ZGRF1: variants seen among roughly 807,000 people sequenced by gnomAD.
ZGRF1 encodes the protein 5'-3' DNA helicase ZGRF1.
Under a neutral mutation model 203.5 loss-of-function variants are expected in ZGRF1, and 196 were observed. The observed-to-expected ratio is 0.96, with a 90% CI of 0.86 to 1.08. ZGRF1 has a LOEUF of 1.08. Ranked by LOEUF, ZGRF1 falls within the 50% of genes least tolerant of loss-of-function variation. The pLI is 0.00. For missense variants in ZGRF1, 2,326 were observed against 2,416.3 expected, an observed-to-expected ratio of 0.96 and a Z score of 0.78; for synonymous variants, 809 against 841.3, an observed-to-expected ratio of 0.96 and a Z score of 0.66.
intron 3 of ZGRF1, among the ~76,000 whole-genome samples, chr4:112,630,422 G>A (rs1040901496): frequency 2.6e-5 from 4 of 152,090 alleles, no homozygotes; most frequent in Admixed American, 6.5e-5. Flanking sequence ...GGAGGCTGAG[G>A]CAGGAGAATC....
At position 112,546,072 on chromosome 4, in the gene ZGRF1, G is replaced by GTAATAATAATAATAATAATAATAATAA. The variant is rs142640030; in HGVS notation, c.5598+1212_5598+1213insTTATTATTATTATTATTATTATTATTA. Among the ~76,000 whole-genome samples, 318 of 147,268 alleles carry GTAATAATAATAATAATAATAATAATAA rather than the reference G, an allele frequency of 2.2e-3. 1 individual carries two copies. Among genetic ancestry groups the GTAATAATAATAATAATAATAATAATAA allele is most frequent in the Middle Eastern group, 7.1e-3 (2 of 280 alleles). On this transcript the variant is annotated intron_variant, in intron 24 of 27. Coordinates refer to ENST00000505019, the MANE Select transcript of ZGRF1 (RefSeq NM_018392.5). ...TACAACATTATGAATGTACTTTAAA[G>GTAATAATAATAATAATAATAATAATAA]TAATAATAATAATAATAATAATGTA...
rs532338069 is a variant in ZGRF1 at position 112,604,204 on chromosome 4, ACATAGAGAGATTC to A, written c.2803-520_2803-508del. Among the ~76,000 whole-genome samples, 529 of 149,748 alleles carry A rather than the reference ACATAGAGAGATTC, an allele frequency of 3.5e-3. 2 individuals carry two copies. Among genetic ancestry groups the A allele is most frequent in the Non-Finnish European group, 5.9e-3 (401 of 67,502 alleles). The stretch of plus-strand genomic sequence containing the variant: ...ACGCCACTGCACTCCAGCCTGGGTG[ACATAGAGAGATTC>A]CATCTCAAAAAAAAAAAAGTATGAT... On this transcript the variant is annotated intron_variant, in intron 9 of 27. Coordinates refer to ENST00000505019, the MANE Select transcript of ZGRF1 (RefSeq NM_018392.5).
chr4:112,611,959 T>C (rs1257312611), intron 7 of ZGRF1, among the ~76,000 whole-genome samples: 1 of 151,802 alleles, frequency 6.6e-6, no homozygotes, highest in African/African-American at 2.4e-5. Context: ...CATTAGTAAC[T>C]GTGGGGTTTT....
chr4:112,612,509 A>G lies in ZGRF1; in HGVS notation c.2667+15T>C, dbSNP rs564224702. The G allele has an allele frequency of 5.2e-6, 8 of 1,539,130 alleles. No individual in the cohort carries two copies. Among genetic ancestry groups the G allele is most frequent in the Admixed American group, 3.7e-5 (2 of 54,688 alleles). ...CAAAATAAAAAAAACATACTCTTAG[A>G]AAAAAAACCTGTACCTGTTGAGAAT... On this transcript the variant is annotated intron_variant, in intron 7 of 27. Transcript: ENST00000505019.
intron 4 of ZGRF1, 92 bp from the exon 5 acceptor site, chr4:112,620,282 T>A: frequency 1.2e-6 from 1 of 840,402 alleles, no homozygotes; most frequent in Non-Finnish European, 1.8e-6. Flanking sequence ...ACAATGGGTG[T>A]TCAATAAATA....
intron 6 of ZGRF1, among the ~76,000 whole-genome samples, chr4:112,613,565 G>C (rs998228419): frequency 1.3e-5 from 2 of 152,148 alleles, no homozygotes; most frequent in Non-Finnish European, 2.9e-5. Context: ...ATATGATACA[G>C]AACGATTTTT....
intron 1 of ZGRF1, among the ~76,000 whole-genome samples, chr4:112,635,656 T>C (rs1560900793): frequency 6.7e-6 from 1 of 149,654 alleles, no homozygotes; most frequent in African/African-American, 2.4e-5. Context: ...AATATACAAT[T>C]ATATGATTAT....
intron 16 of ZGRF1, among the ~76,000 whole-genome samples, chr4:112,573,989 A>G (rs1411413647): frequency 6.6e-6 from 1 of 152,238 alleles, no homozygotes; most frequent in African/African-American, 2.4e-5. Flanking sequence ...ACTCATTTGA[A>G]TGGGTTGATC....
chr4:112,585,951 A>G (rs1275827834), intron 13 of ZGRF1, among the ~76,000 whole-genome samples: 1 of 152,076 alleles, frequency 6.6e-6, no homozygotes, highest in Non-Finnish European at 1.5e-5. Context: ...TCAAAAGATA[A>G]TACTGGCCAA....
chr4:112,588,691 T>C (rs974576137), intron 11 of ZGRF1, among the ~76,000 whole-genome samples: 2 of 152,196 alleles, frequency 1.3e-5, no homozygotes, highest in Non-Finnish European at 2.9e-5. Context: ...ATAGTTTTTA[T>C]CTGACAATAC....
chr4:112,614,233 C>G (rs1236857719), intron 6 of ZGRF1, among the ~76,000 whole-genome samples: 1 of 152,208 alleles, frequency 6.6e-6, no homozygotes, highest in African/African-American at 2.4e-5. Context: ...AAGCAACCAA[C>G]TTAATCCTTT....
Position 112,583,968 on chromosome 4 carries a change from T to C in ZGRF1, c.4298+10A>G. On this transcript the variant is annotated intron_variant, in intron 15 of 27. Transcript: ENST00000505019. ...AATCACAGGCAATTATTTGGTACTATAAAACATACCTCACCAAAAGCTGGC... is the reference window on the plus strand; with the variant it reads ...AATCACAGGCAATTATTTGGTACTACAAAACATACCTCACCAAAAGCTGGC... The C allele has an allele frequency of 2.8e-5, 44 of 1,576,618 alleles. No homozygotes were observed. The highest frequency in any genetic ancestry group is 3.8e-5 in the Non-Finnish European group (44 of 1,159,062).
In ZGRF1 at chr4:112,603,662, T is replaced by A; in HGVS notation, c.2838A>T (p.Ser946=). 1 of 1,613,886 alleles carries A rather than the reference T, an allele frequency of 6.2e-7. No individual in the cohort carries two copies. The highest frequency in any genetic ancestry group is 8.5e-7 in the Non-Finnish European group (1 of 1,179,904). ...VEFQGHQVKG[S]ATSGVMVRGH... The stretch of plus-strand genomic sequence containing the variant: ...CTCTGACCATTACACCACTAGTAGC[T>A]GATCCTTTTACTTGATGTCCTTGAA... Residue 946 remains serine (S), a synonymous_variant, in exon 10 of 28, where the codon TCA becomes TCT. Transcript: ENST00000505019.
intron 22 of ZGRF1, among the ~76,000 whole-genome samples, chr4:112,548,798 G>C (rs1227316746): frequency 6.6e-6 from 1 of 151,698 alleles, no homozygotes; most frequent in Non-Finnish European, 1.5e-5. Context: ...TAACCTTCAA[G>C]CACATTAGTT....
At position 112,584,162 on chromosome 4, in the gene ZGRF1, A is replaced by T. The variant is rs572347444; in HGVS notation, c.4114T>A (p.Tyr1372Asn). The change falls in exon 15 of 28, where the codon TAT (tyrosine) becomes AAT (asparagine). Residue 1372 changes from tyrosine (Y) to asparagine (N), a missense_variant. Tyr to Asn is a moderately radical substitution (Grantham distance 143). Transcript: ENST00000505019. ...TCAGCTTTGGGTCCATCACATGTATAAAAGAGACGACCCTAAGGGGAAAGA... is the reference window on the plus strand; with the variant it reads ...TCAGCTTTGGGTCCATCACATGTATTAAAGAGACGACCCTAAGGGGAAAGA... ...KEGPNKGRLF[Y>N]TCDGPKADRC... The T allele has an allele frequency of 2.8e-5, 45 of 1,590,712 alleles. No homozygotes were observed. In the African/African-American group the frequency reaches 6.0e-4, roughly 21 times the overall value.
At chr4:112,628,906 CTGAA>C (rs1353277105) in intron 3 of ZGRF1, 9 of 397,632 alleles carry the variant, frequency 2.3e-5, no homozygotes, top group African/African-American at 1.3e-4. Context: ...GCATCAGACA[CTGAA>C]TGAATTAGTT....
rs529668019 is a variant in ZGRF1 at position 112,631,736 on chromosome 4, TTCTA to T, written c.102+190_102+193del. On this transcript the variant is annotated intron_variant, in intron 3 of 27. Transcript: ENST00000505019. ...GCTACTGGATAACAGATCTTATTCG[TTCTA>T]TCTATTAATGAACTATTTTTATAAC... Among the ~76,000 whole-genome samples, 772 of 152,320 alleles carry T rather than the reference TTCTA, an allele frequency of 5.1e-3. 1 individual carries two copies. The highest frequency in any genetic ancestry group is 8.2e-3 in the Non-Finnish European group (555 of 68,022).
intron 7 of ZGRF1, among the ~76,000 whole-genome samples, chr4:112,611,203 G>A (rs1176898525): frequency 6.6e-6 from 1 of 151,994 alleles, no homozygotes; most frequent in African/African-American, 2.4e-5. Context: ...AGGAGTTGGA[G>A]ACCAGCCTGG....
At position 112,619,674 on chromosome 4, in the gene ZGRF1, C is replaced by T. The variant is rs776576669; in HGVS notation, c.368G>A (p.Arg123His). The change falls in exon 6 of 28, where the codon CGT becomes CAT. Residue 123 changes from arginine to histidine, a missense_variant. By Grantham distance (29) the Arg-to-His change is conservative. Transcript: ENST00000505019. The part of the protein sequence containing the change: ...KRKFTGFQGP[R>H]QVPKKMVIME... ...AATAACCATTTTCTTTGGAACCTGA[C>T]GTGGTCCTTGAAAACCCTGAAAATA... is the stretch of plus-strand genomic sequence containing the variant. 6.4e-5 allele frequency: 103 copies of T among 1,603,402 alleles called. No homozygotes were observed. The highest frequency in any genetic ancestry group is 6.9e-5 in the Admixed American group (4 of 57,556).
Sources: allele counts gnomAD v4.1 joint callset (sites outside exome capture counted in the v4.1 genomes callset), GRCh38; gene constraint gnomAD v4.1.1; transcripts MANE v1.5; gene names NCBI Gene and HGNC (gene_info 2026-07-23, HGNC 2026-07-21).